The following CCNH variants were observed in gnomAD, a reference collection of about 807,000 sequenced individuals.
The protein encoded by CCNH is cyclin H, also known as cyclin-H.
CCNH carries 31 observed loss-of-function variants against 41.9 expected under a neutral mutation model. That is an observed-to-expected ratio of 0.74 (90% CI 0.56 to 1.00). The LOEUF (loss-of-function observed/expected upper bound fraction) is 1.00. Among genes scored for constraint, CCNH ranks in the 50% least tolerant of loss-of-function variants. CCNH has a pLI of 0.00. For synonymous variants in CCNH, 138 were observed against 136.1 expected (o/e 1.01, Z -0.10); for missense variants, 362 against 388.4 (o/e 0.93, Z 0.57).
In CCNH at chr5:87,401,752, A is replaced by T. The variant is rs1377575843; in HGVS notation, c.710T>A (p.Met237Lys). ...TMESYLSESL[M>K]LKENRTCLSQ... Reference sequence around the variant, plus strand: ...CAGGCAAGTTCTGTTCTCTTTCAGCATCAGACTCTCTGATAAATAACTAGT... The same window carrying T: ...CAGGCAAGTTCTGTTCTCTTTCAGCTTCAGACTCTCTGATAAATAACTAGT... The change falls in exon 6 of 9, where the codon ATG (methionine) becomes AAG (lysine). Residue 237 changes from methionine (M) to lysine (K), a missense_variant. By Grantham distance (95) the Met-to-Lys change is moderately conservative. Coordinates refer to ENST00000256897, the MANE Select transcript of CCNH (RefSeq NM_001239.4). 6.3e-7 allele frequency: 1 copy of T among 1,587,896 alleles called. No individual in the cohort carries two copies. The highest frequency in any genetic ancestry group is 2.3e-5 in the East Asian group (1 of 44,404).
At chr5:87,365,120 G>A (rs1165138823) in intron 9 of CCNH, among the ~76,000 whole-genome samples, 1 of 152,132 alleles carries the variant, frequency 6.6e-6, no homozygotes, top group African/African-American at 2.4e-5. Context: ...ATTCTTGGAG[G>A]ATGGGTATGA....
chr5:87,365,106 C>G (rs927264773), intron 9 of CCNH, among the ~76,000 whole-genome samples: 5 of 152,078 alleles, frequency 3.3e-5, no homozygotes, highest in African/African-American at 7.2e-5. Context: ...ATAGGTGGCT[C>G]TTGATTCTTG....
At chr5:87,409,665 T>TGTGTGTG (rs1764078707) in intron 2 of CCNH, among the ~76,000 whole-genome samples, 5 of 151,334 alleles carry the variant, frequency 3.3e-5, no homozygotes, top group Non-Finnish European at 4.4e-5. Context: ...TGTGTGTGTA[T>TGTGTGTG]TAGAAATCAG....
At chr5:87,368,502 G>A (rs1411878784) in intron 9 of CCNH, among the ~76,000 whole-genome samples, 1 of 152,084 alleles carries the variant, frequency 6.6e-6, no homozygotes, top group Non-Finnish European at 1.5e-5. Context: ...GGTAGACATT[G>A]TACATGAAAA....
At chr5:87,338,614 C>T (rs1758205310) in intron 9 of CCNH, among the ~76,000 whole-genome samples, 2 of 147,870 alleles carry the variant, frequency 1.4e-5, no homozygotes, top group African/African-American at 5.0e-5. Flanking sequence ...TCAAGTGTTC[C>T]ACCCGCCTTA....
chr5:87,406,479 G>T (rs775195124), intron 4 of CCNH, among the ~76,000 whole-genome samples: 1 of 152,010 alleles, frequency 6.6e-6, no homozygotes, highest in African/African-American at 2.4e-5. Flanking sequence ...CTAACTACAG[G>T]CTAAGCATCA....
intron 5 of CCNH, among the ~76,000 whole-genome samples, chr5:87,402,707 G>C (rs1384568764): frequency 6.6e-6 from 1 of 152,030 alleles, no homozygotes; most frequent in African/African-American, 2.4e-5. Context: ...CTGAAAATCA[G>C]GAAATCTCCT....
downstream of CCNH, among the ~76,000 whole-genome samples, chr5:87,390,198 T>C (rs1201147948): frequency 6.6e-6 from 1 of 152,168 alleles, no homozygotes; most frequent in African/African-American, 2.4e-5. Context: ...TAGAACAAAA[T>C]GAGTTACACT....
At chr5:87,406,722 G>A (rs1763818911) in intron 4 of CCNH, among the ~76,000 whole-genome samples, 1 of 151,970 alleles carries the variant, frequency 6.6e-6, no homozygotes, top group Non-Finnish European at 1.5e-5. Context: ...CTGAAGCCCA[G>A]GAAGCTCTTT....
At chr5:87,342,542 A>C (rs1317650454) in intron 9 of CCNH, among the ~76,000 whole-genome samples, 2 of 152,118 alleles carry the variant, frequency 1.3e-5, no homozygotes, top group African/African-American at 4.8e-5. Flanking sequence ...ATATATTCCC[A>C]GTTTTCTTTA....
At chr5:87,318,803 T>C (rs1756545765) in exon 10 of CCNH, 1 of 152,192 alleles carries the variant, frequency 6.6e-6, no homozygotes, top group South Asian at 2.1e-4. Flanking sequence ...AATCATGCCT[T>C]CCCAACAGTC....
intron 9 of CCNH, among the ~76,000 whole-genome samples, chr5:87,359,734 T>C (rs1209163932): frequency 6.6e-6 from 1 of 152,218 alleles, no homozygotes; most frequent in East Asian, 1.9e-4. Flanking sequence ...TTAATTTTTT[T>C]ATATTCCTAA....
intron 9 of CCNH, chr5:87,338,231 C>G: frequency 7.4e-7 from 1 of 1,349,440 alleles, no homozygotes; most frequent in Non-Finnish European, 1.0e-6. Flanking sequence ...ATTATAAGTG[C>G]TGTTTGTTAG....
downstream of CCNH, chr5:87,387,028 A>G (rs2112517777): frequency 8.1e-6 from 7 of 865,368 alleles, no homozygotes; most frequent in Non-Finnish European, 9.0e-6. Flanking sequence ...AAGCCTGCAA[A>G]TTTTTGTCTG....
chr5:87,411,195 C>T (rs770350440), intron 2 of CCNH, 29 bp downstream of exon 2: 3 of 1,591,156 alleles, frequency 1.9e-6, no homozygotes, highest in Non-Finnish European at 1.7e-6. Flanking sequence ...AACTAAAGGA[C>T]ATTATATTTC....
upstream of CCNH, chr5:87,379,705 G>A: frequency 6.2e-7 from 1 of 1,607,396 alleles, no homozygotes; most frequent in Non-Finnish European, 8.5e-7. Context: ...TTGCCAACAT[G>A]CATTTATATT....
intron 4 of CCNH, among the ~76,000 whole-genome samples, chr5:87,407,357 T>C (rs775068601): frequency 5.5e-4 from 84 of 152,304 alleles, no homozygotes; most frequent in Non-Finnish European, 9.6e-4. Context: ...GCACAAAGTT[T>C]GGCACATAGA....
chr5:87,370,560 A>G (rs961566552), intron 9 of CCNH, among the ~76,000 whole-genome samples: 1 of 152,192 alleles, frequency 6.6e-6, no homozygotes, highest in Admixed American at 6.5e-5. Flanking sequence ...CACTGGGTAG[A>G]ATGAGGCAGG....
chr5:87,346,208 T>G (rs1471425105), intron 9 of CCNH, among the ~76,000 whole-genome samples: 1 of 152,078 alleles, frequency 6.6e-6, no homozygotes, highest in Non-Finnish European at 1.5e-5. Context: ...CACCCAATCT[T>G]ATATTCTGAC....
Sources: gnomAD v4.1 joint callset for allele counts (sites outside exome capture counted in the v4.1 genomes callset) on GRCh38, gnomAD v4.1.1 for gene constraint, MANE v1.5 for transcripts, NCBI Gene and HGNC (gene_info 2026-07-23, HGNC 2026-07-21) for gene names.